Variants in BRSK2 observed in about 807,000 individuals in gnomAD.
The protein encoded by BRSK2 is BR serine/threonine kinase 2.
A neutral mutation model predicts 83.3 loss-of-function variants in BRSK2; 19 were observed. The ratio of observed to expected loss-of-function variants is 0.23; its 90% confidence interval spans 0.16 to 0.33. The LOEUF is 0.33. Ranked by LOEUF, BRSK2 falls within the 10% of genes least tolerant of loss-of-function variation. The probability of loss-of-function intolerance (pLI) is 1.00; values close to 1 mark genes in which losing one functional copy is unlikely to be tolerated. For synonymous variants in BRSK2, 519 were observed against 435.4 expected (o/e 1.19, Z -2.39); for missense variants, 798 against 1,042.3 (o/e 0.77, Z 3.23).
intron 14 of BRSK2, among the ~76,000 whole-genome samples, chr11:1,451,165 G>A (rs1845773045): frequency 6.6e-6 from 1 of 152,204 alleles, no homozygotes; most frequent in Non-Finnish European, 1.5e-5. Context: ...CCAGAGGCGG[G>A]GACAGCTCCC....
chr11:1,402,139 G>A (rs543301135), intron 1 of BRSK2, among the ~76,000 whole-genome samples: 3 of 152,202 alleles, frequency 2.0e-5, no homozygotes, highest in Non-Finnish European at 2.9e-5. Flanking sequence ...TGTGGGTGCC[G>A]GAGAGCAGGC....
Position 1,443,391 on chromosome 11 carries a change from C to T in BRSK2, c.621C>T (p.Phe207=), listed in dbSNP as rs762150090. Residue 207 remains phenylalanine (F), a synonymous_variant, in exon 7 of 20, where the codon TTC becomes TTT. Transcript: ENST00000528841. The part of the protein sequence containing the change: ...ADVWSCGVIL[F]ALLVGALPFD... ...TGTGGAGCTGCGGCGTCATCCTGTT[C>T]GCCTTGCTGGTGGTGAGACCCTGGC... 84 of 1,605,106 alleles carry T rather than the reference C, an allele frequency of 5.2e-5. No homozygotes were observed. The highest frequency in any genetic ancestry group is 4.1e-4 in the South Asian group (37 of 89,682).
chr11:1,414,235 T>C (rs1334197960), intron 1 of BRSK2, among the ~76,000 whole-genome samples: 1 of 152,204 alleles, frequency 6.6e-6, no homozygotes, highest in Non-Finnish European at 1.5e-5. Flanking sequence ...AAATAGAATC[T>C]CCAGAGGCCG....
intron 1 of BRSK2, among the ~76,000 whole-genome samples, chr11:1,405,046 CTGG>C (rs1213747305): frequency 6.7e-6 from 1 of 149,096 alleles, no homozygotes; most frequent in African/African-American, 2.5e-5. Context: ...GCCTCCATCT[CTGG>C]TGGTCTAGGG....
chr11:1,448,533 C>T (rs778880230), intron 12 of BRSK2, among the ~76,000 whole-genome samples: 37 of 152,338 alleles, frequency 2.4e-4, no homozygotes, highest in Admixed American at 8.5e-4. Context: ...GACCAGGGCT[C>T]GGCCCCTCCA....
At chr11:1,417,278 G>A (rs1254514934) in intron 1 of BRSK2, among the ~76,000 whole-genome samples, 1 of 152,188 alleles carries the variant, frequency 6.6e-6, no homozygotes, top group African/African-American at 2.4e-5. Context: ...CATGCTGTGA[G>A]GTCTCCACCT....
At chr11:1,407,947 C>G (rs1847018037) in intron 1 of BRSK2, among the ~76,000 whole-genome samples, 1 of 152,190 alleles carries the variant, frequency 6.6e-6, no homozygotes, top group East Asian at 1.9e-4. Context: ...GGTCTCCTGC[C>G]CACCCTGGAG....
intron 1 of BRSK2, among the ~76,000 whole-genome samples, chr11:1,398,823 G>C (rs1485320078): frequency 1.3e-5 from 2 of 152,154 alleles, no homozygotes; most frequent in Admixed American, 1.3e-4. Flanking sequence ...GATGGGGCCT[G>C]GGTGTACCCA....
chr11:1,411,178 C>T (rs999199153), intron 1 of BRSK2: 1 of 1,232,152 alleles, frequency 8.1e-7, no homozygotes, highest in Non-Finnish European at 1.0e-6. Flanking sequence ...GTTCCTCCTT[C>T]CTGGTCACTG....
chr11:1,456,314 G>C (rs1208494193), intron 16 of BRSK2, 34 bp from the exon 17 acceptor site: 1 of 1,519,726 alleles, frequency 6.6e-7, no homozygotes, highest in South Asian at 1.3e-5. Context: ...GGACCTGCCA[G>C]GCCAGCCACG....
intron 19 of BRSK2, among the ~76,000 whole-genome samples, 173 bp from the exon 20 acceptor site, chr11:1,460,327 C>G (rs1347476451): frequency 1.3e-5 from 2 of 152,114 alleles, no homozygotes; most frequent in African/African-American, 4.8e-5. Context: ...CCCACCGGTC[C>G]CCGCTCGGCC....
rs996650766 is a variant in BRSK2, at chr11:1,451,410, C to T, written c.1535C>T (p.Ser512Leu). The change falls in exon 15 of 20, where the codon TCG becomes TTG. Residue 512 changes from serine (S) to leucine (L), a missense_variant. By Grantham distance (145) the Ser-to-Leu change is moderately radical. Around this residue, in one of 6 missense-constraint regions of BRSK2, gnomAD observed 455 missense variants for 455.2 expected, o/e 1.00. Coordinates refer to ENST00000528841, the MANE Select transcript of BRSK2 (RefSeq NM_001256627.2). ...GAGATGTCCAACCTGACACCAGAGT[C>T]GTCCCCAGAGTAAGTGGCCCCTGCT... ...PEEMSNLTPE[S>L]SPELAKKSWF... 9.9e-6 allele frequency: 16 copies of T among 1,612,800 alleles called. No individual in the cohort carries two copies. Among genetic ancestry groups the T allele is most frequent in the Non-Finnish European group, 1.4e-5 (16 of 1,179,900 alleles).
In BRSK2 at chr11:1,403,096, C is replaced by A; in HGVS notation, c.91+12721C>A. Among the ~76,000 whole-genome samples, 2 of 152,130 alleles carry A rather than the reference C, an allele frequency of 1.3e-5. 1 individual carries two copies. The highest frequency in any genetic ancestry group is 3.9e-4 in the East Asian group (2 of 5,166). On this transcript the variant is annotated intron_variant, in intron 1 of 19. Transcript: ENST00000528841. Reference sequence around the variant, plus strand: ...TGCAGGCCTCTGCCCGGCCTCTCACCCATGGGGTGTTGAGTTCCCCATTCC... The same window carrying A: ...TGCAGGCCTCTGCCCGGCCTCTCACACATGGGGTGTTGAGTTCCCCATTCC...
chr11:1,390,049 C>G lies in BRSK2; in HGVS notation c.-236C>G, dbSNP rs2133990805. Reference sequence around the variant, plus strand: ...GCGGAAGCCAGGTGCCCCCGCCCGCCCTGTCCTCTCGACGAGGCGGAGGCG... The same window carrying G: ...GCGGAAGCCAGGTGCCCCCGCCCGCGCTGTCCTCTCGACGAGGCGGAGGCG... On this transcript the variant is annotated 5_prime_UTR_variant, in exon 1 of 20. Transcript: ENST00000528841. The surrounding 1 kb of genome is among the most constrained non-coding windows in gnomAD (Gnocchi z 6.8). The G allele has an allele frequency of 6.8e-6, 1 of 147,882 alleles. No individual in the cohort carries two copies. Among genetic ancestry groups the G allele is most frequent in the East Asian group, 2.0e-4 (1 of 5,088 alleles). 9.2% of individuals were successfully genotyped at this position (147,882 alleles called of 1,614,324 possible). A position where few individuals can be genotyped will look rare whatever the true frequency, so the allele number is the denominator to read the frequency against.
chr11:1,447,875 G>C (rs752442641), intron 12 of BRSK2: 46 of 1,591,758 alleles, frequency 2.9e-5, no homozygotes, highest in Non-Finnish European at 3.7e-5. Flanking sequence ...TATACACCCC[G>C]ACCACCCGTC....
chr11:1,416,350 C>T (rs1014955255), intron 1 of BRSK2, among the ~76,000 whole-genome samples: 10 of 152,160 alleles, frequency 6.6e-5, no homozygotes, highest in Admixed American at 3.3e-4. Flanking sequence ...CTGGGTGTCA[C>T]GTCCGCAAAA....
Position 1,443,207 on chromosome 11 carries a change from C to T in BRSK2, c.564+68C>T. Reference sequence around the variant, plus strand: ...GGCGGGGACCTGACCCTGGTGGGACCCCAGCCTGCCGCACCCCCAGGTGCT... The same window carrying T: ...GGCGGGGACCTGACCCTGGTGGGACTCCAGCCTGCCGCACCCCCAGGTGCT... On this transcript the variant is annotated intron_variant, in intron 6 of 19. Transcript: ENST00000528841. 2.0e-6 allele frequency: 3 copies of T among 1,521,800 alleles called. No individual in the cohort carries two copies. In the Admixed American group the frequency reaches 6.1e-5, roughly 31 times the overall value. The allele number at this position is 1,521,800 out of a possible 1,614,324, so 94.3% of individuals were successfully genotyped here. A position where few individuals can be genotyped will look rare whatever the true frequency, so the allele number is the denominator to read the frequency against.
At chr11:1,449,692 G>A in intron 12 of BRSK2, 84 bp from the exon 13 acceptor site, 2 of 1,263,472 alleles carry the variant, frequency 1.6e-6, no homozygotes, top group Non-Finnish European at 2.3e-6. Context: ...CTCCTGGAGG[G>A]TTTACCTGGG....
At position 1,460,589 on chromosome 11, in the gene BRSK2, G is replaced by C; in HGVS notation, c.2077G>C (p.Ala693Pro). ...GQAAQAPSTP[A>P]KRSAHGPLGD... The stretch of plus-strand genomic sequence containing the variant: ...GGCGGCCCAGGCCCCCAGCACGCCC[G>C]CCAAGCGGAGTGCCCACGGCCCACT... Residue 693 changes from alanine to proline, a missense_variant, in exon 20 of 20, where the codon GCC becomes CCC. By Grantham distance (27) the Ala-to-Pro change is conservative (BLOSUM62 -1). Coordinates refer to ENST00000528841, the MANE Select transcript of BRSK2 (RefSeq NM_001256627.2). The C allele has an allele frequency of 2.0e-6, 3 of 1,531,230 alleles. No individual in the cohort carries two copies. Among genetic ancestry groups the C allele is most frequent in the Middle Eastern group, 1.7e-4 (1 of 5,936 alleles). 94.9% of individuals were successfully genotyped at this position (1,531,230 alleles called of 1,614,324 possible).
Sources: gnomAD v4.1 joint callset for allele counts (sites outside exome capture counted in the v4.1 genomes callset) on GRCh38, gnomAD v4.1.1 for gene constraint, gnomAD v4.1.1 regional missense constraint, Gnocchi (gnomAD v3.1) non-coding constraint, MANE v1.5 for transcripts, NCBI Gene and HGNC (gene_info 2026-07-23, HGNC 2026-07-21) for gene names.